The following CCDC57 variants were observed in gnomAD, a reference collection of about 807,000 sequenced individuals.
The protein encoded by CCDC57 is coiled-coil domain-containing protein 57.
Under a neutral mutation model 118.9 loss-of-function variants are expected in CCDC57, and 118 were observed. The observed-to-expected ratio is 0.99, with a 90% CI of 0.86 to 1.16. CCDC57 has a LOEUF of 1.16. Ranked by LOEUF, CCDC57 falls within the 50% of genes most tolerant of loss-of-function variation. The probability of loss-of-function intolerance (pLI) is 0.00; values close to 1 mark genes in which losing one functional copy is unlikely to be tolerated. For synonymous variants in CCDC57, 527 were observed against 532.9 expected (o/e 0.99, Z 0.15); for missense variants, 1,300 against 1,320.7 (o/e 0.98, Z 0.24).
At chr17:82,137,228 G>A (rs1264638842) in intron 16 of CCDC57, among the ~76,000 whole-genome samples, 4 of 151,998 alleles carry the variant, frequency 2.6e-5, no homozygotes, top group Non-Finnish European at 5.9e-5. Context: ...GTGTTGGCCA[G>A]GCTGGTCTTG....
intron 19 of CCDC57, among the ~76,000 whole-genome samples, chr17:82,110,372 C>T (rs117272509): frequency 0.012 from 1,866 of 152,248 alleles, 19 homozygotes; most frequent in Non-Finnish European, 0.021. Flanking sequence ...CAAGTACTGA[C>T]GGACAGAGCT....
At chr17:82,167,353 CT>C (rs922771936) in intron 13 of CCDC57, among the ~76,000 whole-genome samples, 429 of 140,310 alleles carry the variant, frequency 3.1e-3, no homozygotes, top group Middle Eastern at 0.011. Context: ...GACAAAAATT[CT>C]TTTTTTTTTT....
chr17:82,174,555 A>G (rs1259929383), intron 11 of CCDC57, among the ~76,000 whole-genome samples: 3 of 152,182 alleles, frequency 2.0e-5, no homozygotes, highest in Non-Finnish European at 4.4e-5. Flanking sequence ...TGACCTGTGT[A>G]AGCAGATCCT....
At chr17:82,134,030 G>T (rs1324817615) in intron 17 of CCDC57, 43 bp downstream of exon 16, 4 of 1,336,118 alleles carry the variant, frequency 3.0e-6, no homozygotes, top group East Asian at 3.1e-5. Flanking sequence ...CACAATTAGG[G>T]AAATATTTTT....
Position 82,187,911 on chromosome 17 carries a change from A to T in CCDC57, c.1052+308T>A, listed in dbSNP as rs532513800. 3.3e-5 allele frequency among the ~76,000 whole-genome samples: 5 copies of T among 152,086 alleles called. No individual in the cohort carries two copies. In the South Asian group the frequency reaches 1.0e-3, roughly 32 times the overall value. ...GTGGTGATGGTTTTACAACAACGTG[A>T]ATGTGCCTAATGCCACTGCCACTGA... On this transcript the variant is annotated intron_variant, in intron 8 of 19. Transcript: ENST00000665763.
chr17:82,154,230 C>T (rs2042405601), intron 15 of CCDC57: 1 of 152,384 alleles, frequency 6.6e-6, no homozygotes, highest in Non-Finnish European at 1.5e-5. Context: ...GCAGAGTGCC[C>T]CACTGTTGTC....
chr17:82,127,845 T>G, exon 19 of CCDC57: 1 of 1,610,810 alleles, frequency 6.2e-7, no homozygotes. Context: ...TGGGGTGGCT[T>G]TGGGGACCTG....
chr17:82,126,031 A>G (rs2145205594), intron 19 of CCDC57, among the ~76,000 whole-genome samples: 1 of 152,336 alleles, frequency 6.6e-6, no homozygotes, highest in South Asian at 2.1e-4. Flanking sequence ...CTGTAATCCC[A>G]GCACTCTGGG....
At chr17:82,157,530 T>G in intron 15 of CCDC57, 1 of 1,422,180 alleles carries the variant, frequency 7.0e-7, no homozygotes, top group Non-Finnish European at 9.2e-7. Context: ...GGCATCAAGG[T>G]GAAGGACCAG....
chr17:82,175,636 C>T (rs2045371095), intron 11 of CCDC57: 1 of 152,218 alleles, frequency 6.6e-6, no homozygotes, highest in African/African-American at 2.4e-5. Context: ...GTTCATCTTA[C>T]ATATGTTGAT....
exon 5 of CCDC57, chr17:82,195,308 C>A: frequency 6.2e-7 from 1 of 1,602,874 alleles, no homozygotes; most frequent in Non-Finnish European, 8.5e-7. Flanking sequence ...TGTCAGCCTG[C>A]AGACGGAATT....
chr17:82,128,509 G>C (rs759777248), exon 18 of CCDC57: 1 of 1,562,810 alleles, frequency 6.4e-7, no homozygotes. Flanking sequence ...GCCTTGCAGG[G>C]CGTCAAGTCT....
chr17:82,161,152 G>A (rs1251986303), intron 14 of CCDC57, among the ~76,000 whole-genome samples: 4 of 152,202 alleles, frequency 2.6e-5, no homozygotes, highest in East Asian at 1.9e-4. Flanking sequence ...AAACCACAGC[G>A]AGGCCCCACT....
intron 17 of CCDC57, among the ~76,000 whole-genome samples, chr17:82,130,484 C>A (rs572916384): frequency 6.8e-6 from 1 of 147,116 alleles, no homozygotes; most frequent in East Asian, 2.1e-4. Flanking sequence ...CGTGAGCCAC[C>A]ACACCCAGAC....
At chr17:82,108,604 A>G (rs2035027374) in intron 19 of CCDC57, among the ~76,000 whole-genome samples, 1 of 152,124 alleles carries the variant, frequency 6.6e-6, no homozygotes, top group South Asian at 2.1e-4. Flanking sequence ...AAATCTGACC[A>G]CAAGAGCTAA....
At chr17:82,200,865 G>A (rs1275243610) in intron 3 of CCDC57, among the ~76,000 whole-genome samples, 1 of 152,196 alleles carries the variant, frequency 6.6e-6, no homozygotes, top group Admixed American at 6.5e-5. Flanking sequence ...AAGTACCCAG[G>A]ATCCTGTTAA....
Position 82,118,481 on chromosome 17 carries a change from C to T in CCDC57, c.2899+9211G>A, listed in dbSNP as rs922333471. On this transcript the variant is annotated intron_variant, in intron 19 of 19. Transcript: ENST00000665763. This position sits in a 1 kb window ranked among gnomAD's most constrained non-coding sequence, Gnocchi z 4.7. ...GAGGTGCGAGGTGCTCCGGAACTTG[C>T]GGGGCTTAGCTGCCCACACACGTGG... 3.9e-5 allele frequency among the ~76,000 whole-genome samples: 6 copies of T among 152,150 alleles called. No individual in the cohort carries two copies. The highest frequency in any genetic ancestry group is 1.3e-4 in the Admixed American group (2 of 15,270).
At chr17:82,127,769 G>A in exon 19 of CCDC57, 3 of 1,613,078 alleles carry the variant, frequency 1.9e-6, no homozygotes, top group East Asian at 2.2e-5. Flanking sequence ...GTCCTGGAGG[G>A]TGCCACTGGC....
chr17:82,120,889 A>G (rs28476570), intron 19 of CCDC57, among the ~76,000 whole-genome samples: 81,265 of 151,790 alleles, frequency 0.54, 22,582 homozygotes, highest in Non-Finnish European at 0.58. Flanking sequence ...CCAAGTAGCT[A>G]GGACTACAGG....
Sources: allele counts gnomAD v4.1 joint callset (sites outside exome capture counted in the v4.1 genomes callset), GRCh38; gene constraint gnomAD v4.1.1; non-coding constraint Gnocchi (gnomAD v3.1); transcripts MANE v1.5; gene names NCBI Gene and HGNC (gene_info 2026-07-23, HGNC 2026-07-21).